Variants in STARD9 observed in about 807,000 individuals in gnomAD.
The protein encoded by STARD9 is stAR-related lipid transfer protein 9.
In STARD9, 346 loss-of-function variants were observed where a neutral mutation model predicts 399.8. That is an observed-to-expected ratio of 0.87 (90% CI 0.79 to 0.95). STARD9 has a LOEUF of 0.95. STARD9 is among the 40% of genes least tolerant of loss of function. The probability of loss-of-function intolerance (pLI) is 0.00; values close to 1 mark genes in which losing one functional copy is unlikely to be tolerated. For missense variants in STARD9, 5,832 were observed against 5,667.5 expected (o/e 1.03, Z -0.93); for synonymous variants, 2,203 against 2,143.5 (o/e 1.03, Z -0.77).
At chr15:42,700,974 G>A (rs778120518) in intron 26 of STARD9, among the ~76,000 whole-genome samples, 1 of 152,114 alleles carries the variant, frequency 6.6e-6, no homozygotes, top group Non-Finnish European at 1.5e-5. Flanking sequence ...GCTTCTGTAT[G>A]TGGATATCCA....
Position 42,665,282 on chromosome 15 carries a change from CAGAGA to C in STARD9, c.1212_1216del (p.Glu404AspfsTer2). The C allele has an allele frequency of 8.5e-6, 13 of 1,537,066 alleles. No individual in the cohort carries two copies. Among genetic ancestry groups the C allele is most frequent in the Non-Finnish European group, 1.1e-5 (13 of 1,146,786 alleles). ...CAAACTTAAAACTGATTAGAGAACT[CAGAGA>C]AGAGATTGAAAGACTGAAAGCCCTG... On this transcript the variant is annotated frameshift_variant, in exon 14 of 33. Transcript: ENST00000290607. LOFTEE classifies it high-confidence loss of function.
intron 3 of STARD9, among the ~76,000 whole-genome samples, chr15:42,610,398 GGTT>G (rs2058824144): frequency 6.6e-6 from 1 of 152,142 alleles, no homozygotes; most frequent in African/African-American, 2.4e-5. Context: ...ATTGGAGATG[GGTT>G]GTTCTCTCAG....
At chr15:42,621,171 AT>A (rs1005668887) in intron 3 of STARD9, among the ~76,000 whole-genome samples, 5 of 152,040 alleles carry the variant, frequency 3.3e-5, no homozygotes, top group Non-Finnish European at 7.4e-5. Flanking sequence ...TGTCTGCCAG[AT>A]TTTTTTCACT....
At chr15:42,634,021 G>A (rs1394734232) in intron 3 of STARD9, among the ~76,000 whole-genome samples, 1 of 151,884 alleles carries the variant, frequency 6.6e-6, no homozygotes, top group Non-Finnish European at 1.5e-5. Flanking sequence ...CTATAGTAGA[G>A]CATTGAGCTG....
intron 3 of STARD9, among the ~76,000 whole-genome samples, chr15:42,599,586 C>T (rs2058581763): frequency 6.6e-6 from 1 of 152,112 alleles, no homozygotes; most frequent in Non-Finnish European, 1.5e-5. Context: ...CTTGTTACTC[C>T]CTTGTGATAC....
intron 3 of STARD9, among the ~76,000 whole-genome samples, chr15:42,587,124 G>A (rs1285136377): frequency 6.6e-6 from 1 of 152,050 alleles, no homozygotes; most frequent in Non-Finnish European, 1.5e-5. Context: ...CCAAAGTGCT[G>A]GAATTATAGG....
rs747724946 is a variant in STARD9 at position 42,682,308 on chromosome 15, G to A, written c.2270G>A (p.Arg757Gln). Reference sequence around the variant, plus strand: ...CAGCTCCTGCGGAGACACACTCTTCGGGCAGCAGAGCGGAATGTCCGGCGG... The same window carrying A: ...CAGCTCCTGCGGAGACACACTCTTCAGGCAGCAGAGCGGAATGTCCGGCGG... ...HLQLLRRHTL[R>Q]AAERNVRRKK... The change falls in exon 22 of 33, where the codon CGG (arginine) becomes CAG (glutamine). Residue 757 changes from arginine to glutamine, a missense_variant. Arg to Gln is a conservative substitution (Grantham distance 43). Transcript: ENST00000290607. 5.7e-5 allele frequency: 88 copies of A among 1,537,080 alleles called. No homozygotes were observed. Among genetic ancestry groups the A allele is most frequent in the Non-Finnish European group, 7.3e-5 (84 of 1,146,906 alleles).
intron 3 of STARD9, among the ~76,000 whole-genome samples, chr15:42,597,981 T>C (rs2058542401): frequency 6.9e-6 from 1 of 144,870 alleles, no homozygotes; most frequent in Non-Finnish European, 1.5e-5. Context: ...TGTGTGTGTG[T>C]GTGTGTTTGT....
intron 26 of STARD9, among the ~76,000 whole-genome samples, chr15:42,704,890 C>T (rs1340114295): frequency 2.0e-5 from 3 of 152,236 alleles, no homozygotes; most frequent in Admixed American, 2.0e-4. Context: ...TGCAGGGCTA[C>T]ACCTGAAGCC....
intron 21 of STARD9, 41 bp from the exon 22 acceptor site, chr15:42,682,063 A>C: frequency 1.5e-6 from 2 of 1,338,856 alleles, no homozygotes; most frequent in Non-Finnish European, 2.0e-6. Flanking sequence ...CAAGCAGGGA[A>C]GGAGATGCTG....
rs756942536 is a variant in STARD9 at position 42,684,766 on chromosome 15, C to T, written c.3188C>T (p.Pro1063Leu). The T allele has an allele frequency of 1.8e-4, 277 of 1,537,138 alleles. 2 individuals are homozygous for T. Among genetic ancestry groups the T allele is most frequent in the Non-Finnish European group, 2.3e-4 (265 of 1,146,938 alleles). The change falls in exon 23 of 33, where the codon CCT becomes CTT. Residue 1063 changes from proline (P) to leucine (L), a missense_variant. Around this residue, in one of 2 missense-constraint regions of STARD9, gnomAD observed 5,828 missense variants for 5,651.1 expected, o/e 1.03. Transcript: ENST00000290607. ...RNITKKSSHL[P>L]LGSPLKRQQN... Reference sequence around the variant, plus strand: ...ATTACCAAAAAGTCCTCTCACTTGCCTCTTGGCAGTCCTTTGAAGAGACAA... The same window carrying T: ...ATTACCAAAAAGTCCTCTCACTTGCTTCTTGGCAGTCCTTTGAAGAGACAA...
At chr15:42,670,904 C>T (rs1021208740) in intron 16 of STARD9, 6 of 152,118 alleles carry the variant, frequency 3.9e-5, no homozygotes, top group African/African-American at 1.4e-4. Context: ...TAGTCAGAAG[C>T]ACAGAGAGAG....
chr15:42,703,547 G>A (rs780959072), intron 26 of STARD9, among the ~76,000 whole-genome samples: 8 of 87,766 alleles, frequency 9.1e-5, no homozygotes, highest in Non-Finnish European at 4.6e-5. Flanking sequence ...TTTTTTTTTT[G>A]TATTTTTAGT....
chr15:42,626,500 T>C (rs2141879207), intron 3 of STARD9, among the ~76,000 whole-genome samples: 1 of 150,476 alleles, frequency 6.6e-6, no homozygotes, highest in East Asian at 1.9e-4. Flanking sequence ...TCCTCTTCTT[T>C]TTTTTTTTTT....
chr15:42,689,603 G>A lies in STARD9; in HGVS notation c.8025G>A (p.Arg2675=), dbSNP rs1406156605. 1 of 1,537,408 alleles carries A rather than the reference G, an allele frequency of 6.5e-7. No individual in the cohort carries two copies. Among genetic ancestry groups the A allele is most frequent in the Admixed American group, 2.0e-5 (1 of 51,004 alleles). ...AFSHAAPAQD[R]KRRTGELRQF... ...CCCATGCTGCTCCTGCTCAAGACAG[G>A]AAACGTCGTACTGGAGAACTGAGGC... Residue 2675 remains arginine, a synonymous_variant, in exon 23 of 33, where the codon AGG becomes AGA. Coordinates refer to ENST00000290607, the MANE Select transcript of STARD9 (RefSeq NM_020759.3).
At chr15:42,703,891 G>GATT (rs1474097424) in intron 26 of STARD9, among the ~76,000 whole-genome samples, 1 of 151,776 alleles carries the variant, frequency 6.6e-6, no homozygotes, top group African/African-American at 2.4e-5. Flanking sequence ...ATTTTTAAAA[G>GATT]ATTATTATTA....
In STARD9 at chr15:42,720,385, A is replaced by C. The variant is rs954953352; in HGVS notation, c.*811A>C. 2.6e-5 allele frequency: 4 copies of C among 152,268 alleles called. No individual in the cohort carries two copies. The highest frequency in any genetic ancestry group is 9.7e-5 in the African/African-American group (4 of 41,410). The allele number at this position is 152,268 out of a possible 1,614,324, so 9.4% of individuals were successfully genotyped here. ...TGGTGGCTGCTGACAAGGCAAGAGG[A>C]ATTTCAGAGATTAAACATTGTCCTT... On this transcript the variant is annotated 3_prime_UTR_variant, in exon 33 of 33. Transcript: ENST00000290607.
Position 42,682,086 on chromosome 15 carries a change from G to T in STARD9, c.2066-18G>T, listed in dbSNP as rs1469408812. ...GAAGGAGATGCTGAAATTCTCTCTG[G>T]GTGTTTTTGGTTCCCAGACCAGCAG... is the stretch of plus-strand genomic sequence containing the variant. On this transcript the variant is annotated intron_variant, in intron 21 of 32. Transcript: ENST00000290607. The T allele has an allele frequency of 6.7e-7, 1 of 1,496,272 alleles. No individual in the cohort carries two copies. Among genetic ancestry groups the T allele is most frequent in the East Asian group, 2.5e-5 (1 of 40,626 alleles). The allele number at this position is 1,496,272 out of a possible 1,614,324, so 92.7% of individuals were successfully genotyped here.
chr15:42,594,541 A>G (rs146007972), intron 3 of STARD9, among the ~76,000 whole-genome samples: 9 of 152,354 alleles, frequency 5.9e-5, no homozygotes, highest in African/African-American at 2.2e-4. Flanking sequence ...TTAGAATTCC[A>G]GAATATTAAT....
Sources: allele counts gnomAD v4.1 joint callset (sites outside exome capture counted in the v4.1 genomes callset), GRCh38; gene constraint gnomAD v4.1.1; regional missense constraint gnomAD v4.1.1; transcripts MANE v1.5; gene names NCBI Gene and HGNC (gene_info 2026-07-23, HGNC 2026-07-21).